EBF3: variants seen among roughly 807,000 people sequenced by gnomAD.
EBF3 encodes transcription factor COE3.
Under a neutral mutation model 77.1 loss-of-function variants are expected in EBF3, and 18 were observed. That is an observed-to-expected ratio of 0.23 (90% confidence interval 0.16 to 0.35). The LOEUF is 0.35. EBF3 is among the 10% of genes least tolerant of loss of function. The pLI is 1.00. For missense variants in EBF3, 558 were observed against 860.0 expected, an observed-to-expected ratio of 0.65 and a Z score of 4.39; for synonymous variants, 350 against 343.5, an observed-to-expected ratio of 1.02 and a Z score of -0.21.
intron 6 of EBF3, among the ~76,000 whole-genome samples, chr10:129,899,463 C>T (rs1007547841): frequency 2.6e-5 from 4 of 152,200 alleles, no homozygotes; most frequent in African/African-American, 9.6e-5. Flanking sequence ...CCTGGACCAG[C>T]CTGGGTCATT....
intron 6 of EBF3, among the ~76,000 whole-genome samples, chr10:129,951,823 G>A (rs981861370): frequency 1.3e-5 from 2 of 152,334 alleles, no homozygotes; most frequent in African/African-American, 4.8e-5. Flanking sequence ...TGTTCCTGGC[G>A]CCTCCCTCTT....
intron 7 of EBF3, among the ~76,000 whole-genome samples, chr10:129,873,881 T>G (rs73381762): frequency 0.016 from 2,436 of 152,350 alleles, 59 homozygotes; most frequent in African/African-American, 0.056. Flanking sequence ...CAGAGAAATA[T>G]TCTTCTAGCC....
chr10:129,955,658 C>G (rs909056204), intron 6 of EBF3, among the ~76,000 whole-genome samples: 1 of 152,148 alleles, frequency 6.6e-6, no homozygotes, highest in African/African-American at 2.4e-5. Flanking sequence ...TTGAATGTTG[C>G]ACAAATCCAA....
chr10:129,838,126 C>T (rs1849735624), intron 16 of EBF3, among the ~76,000 whole-genome samples, 166 bp from the exon 17 acceptor site: 1 of 152,242 alleles, frequency 6.6e-6, no homozygotes, highest in Non-Finnish European at 1.5e-5. Context: ...GGGGAATCTG[C>T]TTCCTGAGGT....
At chr10:129,926,294 T>A (rs1331156152) in intron 6 of EBF3, among the ~76,000 whole-genome samples, 1 of 152,032 alleles carries the variant, frequency 6.6e-6, no homozygotes. Context: ...TGGACTCCAG[T>A]GGGGAAGGGA....
chr10:129,891,875 A>G (rs2134199487), intron 6 of EBF3, among the ~76,000 whole-genome samples: 1 of 152,326 alleles, frequency 6.6e-6, no homozygotes, highest in Admixed American at 6.5e-5. Flanking sequence ...GTAGTTCAGA[A>G]ATATCTAAAA....
At chr10:129,883,511 A>G (rs1050482845) in intron 6 of EBF3, among the ~76,000 whole-genome samples, 2 of 152,214 alleles carry the variant, frequency 1.3e-5, no homozygotes, top group African/African-American at 4.8e-5. Flanking sequence ...CAGCAAACTC[A>G]TACAACAGTG....
intron 7 of EBF3, among the ~76,000 whole-genome samples, chr10:129,874,995 T>C (rs187045850): frequency 7.6e-4 from 115 of 152,124 alleles, no homozygotes; most frequent in African/African-American, 2.7e-3. Flanking sequence ...TAAACTTCTC[T>C]AAGAAAAATA....
At chr10:129,859,746 A>G (rs1283203824) in intron 10 of EBF3, among the ~76,000 whole-genome samples, 3 of 152,240 alleles carry the variant, frequency 2.0e-5, no homozygotes, top group Non-Finnish European at 4.4e-5. Flanking sequence ...CACACGCTGG[A>G]GCGAAACATA....
intron 6 of EBF3, among the ~76,000 whole-genome samples, chr10:129,954,088 G>C (rs1277483971): frequency 6.6e-6 from 1 of 152,168 alleles, no homozygotes. Flanking sequence ...ATTTGTGTGT[G>C]TATGTACAGA....
At chr10:129,880,758 A>G (rs1589774295) in intron 6 of EBF3, among the ~76,000 whole-genome samples, 2 of 152,202 alleles carry the variant, frequency 1.3e-5, no homozygotes, top group Non-Finnish European at 2.9e-5. Context: ...ACAGAGGGGA[A>G]GCCTCAGCAG....
chr10:129,896,200 A>G (rs949782220), intron 6 of EBF3, among the ~76,000 whole-genome samples: 5 of 152,212 alleles, frequency 3.3e-5, no homozygotes, highest in Admixed American at 3.3e-4. Flanking sequence ...CTGAGTTCCC[A>G]TTTAGATGAA....
At chr10:129,928,452 A>G (rs1323073246) in intron 6 of EBF3, among the ~76,000 whole-genome samples, 1 of 152,154 alleles carries the variant, frequency 6.6e-6, no homozygotes, top group Non-Finnish European at 1.5e-5. Flanking sequence ...CATTGTATGC[A>G]CTAATCCGCC....
At chr10:129,856,489 T>C (rs185198931) in intron 10 of EBF3, among the ~76,000 whole-genome samples, 1 of 152,212 alleles carries the variant, frequency 6.6e-6, no homozygotes, top group Admixed American at 6.5e-5. Context: ...GAACTATATA[T>C]AATGTGTGGC....
At position 129,842,213 on chromosome 10, in the gene EBF3, C is replaced by T. The variant is rs1470968387; in HGVS notation, c.1275G>A (p.Leu425=). The T allele has an allele frequency of 6.2e-7, 1 of 1,614,158 alleles. No individual in the cohort carries two copies. The highest frequency in any genetic ancestry group is 1.1e-5 in the South Asian group (1 of 91,084). Residue 425 remains leucine, a synonymous_variant, in exon 13 of 17, where the codon CTG becomes CTA. Coordinates refer to ENST00000440978, the MANE Select transcript of EBF3 (RefSeq NM_001375380.1). The surrounding 1 kb of genome is among the most constrained non-coding windows in gnomAD (Gnocchi z 4.4). Reference sequence around the variant, plus strand: ...TGCCCGTGTGTGCAGGGTTGTTGCCCAGGGTGGGGATCTGGTTGTGATTGC... The same window carrying T: ...TGCCCGTGTGTGCAGGGTTGTTGCCTAGGGTGGGGATCTGGTTGTGATTGC... ...VPRNHNQIPT[L]GNNPAHTGMM...
At position 129,837,659 on chromosome 10, in the gene EBF3, T is replaced by TTTGTTTTCCTTATTCTTCAGGACTGAGAA; in HGVS notation, c.*255_*283dup. On this transcript the variant is annotated 3_prime_UTR_variant, in exon 17 of 17. Transcript: ENST00000440978. Reference sequence around the variant, plus strand: ...AAACTTTATACAAAATAGGCGTCGCTTTGTTTTCCTTATTCTTCAGGACTG... The same window carrying TTTGTTTTCCTTATTCTTCAGGACTGAGAA: ...AAACTTTATACAAAATAGGCGTCGCTTTGTTTTCCTTATTCTTCAGGACTGAGAATTGTTTTCCTTATTCTTCAGGACTG... 2.4e-6 allele frequency: 1 copy of TTTGTTTTCCTTATTCTTCAGGACTGAGAA among 423,000 alleles called. No individual in the cohort carries two copies. Among genetic ancestry groups the TTTGTTTTCCTTATTCTTCAGGACTGAGAA allele is most frequent in the Non-Finnish European group, 4.2e-6 (1 of 238,614 alleles). 26.2% of individuals were successfully genotyped at this position (423,000 alleles called of 1,614,324 possible).
At chr10:129,901,620 TAAAAC>T (rs1026479364) in intron 6 of EBF3, among the ~76,000 whole-genome samples, 1 of 152,220 alleles carries the variant, frequency 6.6e-6, no homozygotes, top group Non-Finnish European at 1.5e-5. Context: ...TCTCAGTAAA[TAAAAC>T]AAAGACTGAC....
chr10:129,840,125 C>A, intron 15 of EBF3, 120 bp downstream of exon 15: 3 of 1,327,784 alleles, frequency 2.3e-6, no homozygotes, highest in Non-Finnish European at 3.0e-6. Context: ...CAAGGTGGGC[C>A]ACGGGAGAAC....
intron 6 of EBF3, among the ~76,000 whole-genome samples, chr10:129,884,585 C>T (rs1048817275): frequency 6.6e-6 from 1 of 152,194 alleles, no homozygotes; most frequent in African/African-American, 2.4e-5. Context: ...GTAGTGCCTG[C>T]ATGACGTCAT....
Sources: gnomAD v4.1 joint callset for allele counts (sites outside exome capture counted in the v4.1 genomes callset) on GRCh38, gnomAD v4.1.1 for gene constraint, Gnocchi (gnomAD v3.1) non-coding constraint, MANE v1.5 for transcripts, NCBI Gene and HGNC (gene_info 2026-07-23, HGNC 2026-07-21) for gene names.